The following PRMT9 variants were observed in gnomAD, a reference collection of about 807,000 sequenced individuals.
The protein encoded by PRMT9 is protein arginine methyltransferase 9, also known as protein arginine N-methyltransferase 9.
In PRMT9, 59 loss-of-function variants were observed where a neutral mutation model predicts 83.2. That is an observed-to-expected ratio of 0.71 (90% CI 0.57 to 0.88). PRMT9 has a LOEUF of 0.88. PRMT9 is among the 40% of genes least tolerant of loss of function. The pLI, the probability that PRMT9 is intolerant of heterozygous loss-of-function variation, is 0.00. For synonymous variants in PRMT9, 333 were observed against 353.2 expected, an observed-to-expected ratio of 0.94 and a Z score of 0.64; for missense variants, 947 against 1,021.9, an observed-to-expected ratio of 0.93 and a Z score of 1.00.
At chr4:147,683,719 G>A in intron 1 of PRMT9, 80 bp downstream of exon 1, 4 of 1,266,428 alleles carry the variant, frequency 3.2e-6, no homozygotes, top group Non-Finnish European at 2.2e-6. Flanking sequence ...TAGCCCCTCC[G>A]CTTTTTTTTT....
At chr4:147,665,588 A>T (rs1735272549) in intron 6 of PRMT9, among the ~76,000 whole-genome samples, 1 of 152,136 alleles carries the variant, frequency 6.6e-6, no homozygotes, top group Non-Finnish European at 1.5e-5. Context: ...CCCCAGAATC[A>T]TATTGAATCT....
Position 147,638,384 on chromosome 4 carries a change from T to C in PRMT9, c.*148A>G. On this transcript the variant is annotated 3_prime_UTR_variant, in exon 12 of 12. Transcript: ENST00000322396. ...TCTATAATAATGCTACCCTTTTATT[T>C]AGAATCTTTTAAAATATGCTTTATT... 1 of 662,178 alleles carries C rather than the reference T, an allele frequency of 1.5e-6. No homozygotes were observed. The highest frequency in any genetic ancestry group is 2.7e-6 in the Non-Finnish European group (1 of 375,648). The allele number at this position is 662,178 out of a possible 1,614,324, so 41.0% of individuals were successfully genotyped here.
chr4:147,683,668 A>G lies in PRMT9; in HGVS notation c.189+131T>C, dbSNP rs1433579108. The G allele has an allele frequency of 2.6e-5, 22 of 852,690 alleles. No homozygotes were observed. The East Asian group carries it at 3.4e-4, about 13-fold the overall frequency. The allele number at this position is 852,690 out of a possible 1,614,324, so 52.8% of individuals were successfully genotyped here. On this transcript the variant is annotated intron_variant, in intron 1 of 11. Coordinates refer to ENST00000322396, the MANE Select transcript of PRMT9 (RefSeq NM_138364.4). The stretch of plus-strand genomic sequence containing the variant: ...TGGATCGGCCAGCAAGTGAGAAAAA[A>G]GGGCCCTAAATATTAACAGCAACCA...
At chr4:147,657,448 C>G (rs530980650) in intron 8 of PRMT9, among the ~76,000 whole-genome samples, 1 of 151,704 alleles carries the variant, frequency 6.6e-6, no homozygotes, top group Non-Finnish European at 1.5e-5. Context: ...TGGCGTGAAC[C>G]CGGGAGGCGG....
At chr4:147,681,503 C>T (rs1310720970) in intron 1 of PRMT9, among the ~76,000 whole-genome samples, 1 of 152,162 alleles carries the variant, frequency 6.6e-6, no homozygotes, top group African/African-American at 2.4e-5. Flanking sequence ...AAAGGAGATT[C>T]TGGCCGGGCA....
intron 2 of PRMT9, among the ~76,000 whole-genome samples, chr4:147,676,875 C>A (rs1157833174): frequency 6.6e-6 from 1 of 151,958 alleles, no homozygotes; most frequent in African/African-American, 2.4e-5. Context: ...GAAACCCCAT[C>A]TCTACTAAAA....
intron 8 of PRMT9, 59 bp downstream of exon 8, chr4:147,657,733 G>A: frequency 7.5e-7 from 1 of 1,342,256 alleles, no homozygotes; most frequent in African/African-American, 1.5e-5. Context: ...TTTTGCCACT[G>A]ACTTGAATAC....
rs1734776721 is a variant in PRMT9, at chr4:147,659,358, AC to A, written c.1147-1384del. 2.0e-5 allele frequency among the ~76,000 whole-genome samples: 3 copies of A among 150,660 alleles called. No homozygotes were observed. The South Asian group carries it at 6.3e-4, about 32-fold the overall frequency. Reference sequence around the variant, plus strand: ...GGAGGCTGCAGTGAGCCAAGATCGCACCACTGCACTCCAGCCTAGGCAACAA... The same window carrying A: ...GGAGGCTGCAGTGAGCCAAGATCGCACACTGCACTCCAGCCTAGGCAACAA... On this transcript the variant is annotated intron_variant, in intron 7 of 11. Transcript: ENST00000322396.
Position 147,653,874 on chromosome 4 carries a change from T to C in PRMT9, c.2023A>G (p.Met675Val). 6.2e-7 allele frequency: 1 copy of C among 1,613,770 alleles called. No homozygotes were observed. The highest frequency in any genetic ancestry group is 8.5e-7 in the Non-Finnish European group (1 of 1,179,762). The change falls in exon 9 of 12, where the codon ATG becomes GTG. Residue 675 changes from methionine (M) to valine (V), a missense_variant. Transcript: ENST00000322396. ...EPSGLIQQEI[M>V]EKAAISRCLL... is the part of the protein sequence containing the mutation. Reference sequence around the variant, plus strand: ...TACCTGGATATTGCAGCTTTTTCCATTATTTCCTGCTGAATGAGCCCAGAT... The same window carrying C: ...TACCTGGATATTGCAGCTTTTTCCACTATTTCCTGCTGAATGAGCCCAGAT...
Position 147,638,558 on chromosome 4 carries a change from T to C in PRMT9, c.2512A>G (p.Asn838Asp). 6.2e-7 allele frequency: 1 copy of C among 1,613,834 alleles called. No individual in the cohort carries two copies. The highest frequency in any genetic ancestry group is 8.5e-7 in the Non-Finnish European group (1 of 1,179,804). Residue 838 changes from asparagine (N) to aspartate (D), a missense_variant, in exon 12 of 12, where the codon AAT becomes GAT. Transcript: ENST00000322396. ...LVLSIQHHKS[N>D]VSITVKQ Reference sequence around the variant, plus strand: ...CATTGCTTTACTGTGATGCTGACATTGCTTTTGTGATGCTGAATGCTGAGT... The same window carrying C: ...CATTGCTTTACTGTGATGCTGACATCGCTTTTGTGATGCTGAATGCTGAGT...
intron 2 of PRMT9, among the ~76,000 whole-genome samples, chr4:147,674,539 CA>C (rs1221301816): frequency 2.6e-5 from 4 of 152,124 alleles, no homozygotes; most frequent in Admixed American, 1.3e-4. Flanking sequence ...CAGTGCTTCT[CA>C]AACTATCTGT....
At chr4:147,678,380 T>C (rs1397042632) in intron 2 of PRMT9, among the ~76,000 whole-genome samples, 1 of 152,252 alleles carries the variant, frequency 6.6e-6, no homozygotes, top group African/African-American at 2.4e-5. Flanking sequence ...GGCAGAACCA[T>C]GCTGAGTCCC....
At chr4:147,670,602 G>A (rs541711610) in intron 5 of PRMT9, 39 bp downstream of exon 5, 28 of 1,222,376 alleles carry the variant, frequency 2.3e-5, no homozygotes, top group Middle Eastern at 1.9e-4. Context: ...ATGAAATAAC[G>A]AATTCTTAAT....
chr4:147,645,882 T>C (rs1205718644), intron 9 of PRMT9, among the ~76,000 whole-genome samples: 2 of 152,176 alleles, frequency 1.3e-5, no homozygotes, highest in Non-Finnish European at 2.9e-5. Context: ...GGATAATCTC[T>C]CTTTACCCAC....
Position 147,661,031 on chromosome 4 carries a change from T to A in PRMT9, c.961A>T (p.Ile321Phe). The change falls in exon 7 of 12, where the codon ATT becomes TTT. Residue 321 changes from isoleucine (I) to phenylalanine (F), a missense_variant. Physicochemically the swap from Ile to Phe is conservative, Grantham distance 21. Coordinates refer to ENST00000322396, the MANE Select transcript of PRMT9 (RefSeq NM_138364.4). ...AAATGGATACCAGCAATGTCCTTAATACCCACTCTGGAGAGAGAGAAAATA... is the reference window on the plus strand; with the variant it reads ...AAATGGATACCAGCAATGTCCTTAAAACCCACTCTGGAGAGAGAGAAAATA... Reference protein sequence around the residue: ...AEIRRHHRVGIKDIAGIHLPT... With the variant: ...AEIRRHHRVGFKDIAGIHLPT... 1 of 1,607,656 alleles carries A rather than the reference T, an allele frequency of 6.2e-7. No individual in the cohort carries two copies. The highest frequency in any genetic ancestry group is 8.5e-7 in the Non-Finnish European group (1 of 1,174,262).
chr4:147,665,218 T>C (rs1735246060), intron 6 of PRMT9, among the ~76,000 whole-genome samples: 1 of 151,784 alleles, frequency 6.6e-6, no homozygotes, highest in South Asian at 2.1e-4. Flanking sequence ...TTTGAAACTA[T>C]ATAAATGCCC....
chr4:147,675,678 C>T (rs1214625745), intron 2 of PRMT9, among the ~76,000 whole-genome samples: 1 of 152,144 alleles, frequency 6.6e-6, no homozygotes, highest in Non-Finnish European at 1.5e-5. Context: ...ATATAATCTA[C>T]TCCATTAAAG....
intron 9 of PRMT9, among the ~76,000 whole-genome samples, chr4:147,645,867 A>G (rs565535409): frequency 6.6e-6 from 1 of 152,346 alleles, no homozygotes; most frequent in Non-Finnish European, 1.5e-5. Context: ...CATGTTCCTG[A>G]ACCAGGATAA....
intron 6 of PRMT9, among the ~76,000 whole-genome samples, chr4:147,666,653 T>G (rs1015288546): frequency 2.0e-5 from 3 of 152,206 alleles, no homozygotes; most frequent in Non-Finnish European, 4.4e-5. Context: ...TTGGATATTC[T>G]TAAACATTTG....
Sources: gnomAD v4.1 joint callset for allele counts (sites outside exome capture counted in the v4.1 genomes callset) on GRCh38, gnomAD v4.1.1 for gene constraint, MANE v1.5 for transcripts, NCBI Gene and HGNC (gene_info 2026-07-23, HGNC 2026-07-21) for gene names.